Variants in NFYC observed in about 807,000 individuals in gnomAD.
The protein encoded by NFYC is nuclear transcription factor Y subunit gamma.
In NFYC, 25 loss-of-function variants were observed where a neutral mutation model predicts 53.1. The observed-to-expected ratio is 0.47, with a 90% CI of 0.34 to 0.66. NFYC has a LOEUF of 0.66. Among genes scored for constraint, NFYC ranks in the 30% least tolerant of loss-of-function variants. The probability of loss-of-function intolerance (pLI) is 0.01; values close to 1 mark genes in which losing one functional copy is unlikely to be tolerated. For synonymous variants in NFYC, 145 were observed against 152.6 expected (o/e 0.95, Z 0.37); for missense variants, 260 against 422.7 (o/e 0.62, Z 3.38).
intron 1 of NFYC, among the ~76,000 whole-genome samples, chr1:40,716,012 G>T (rs1644122841): frequency 6.6e-6 from 1 of 152,174 alleles, no homozygotes; most frequent in Non-Finnish European, 1.5e-5. Flanking sequence ...GGGAAGACCT[G>T]CTCAATTGAA....
At chr1:40,734,767 G>A (rs1314253560) in intron 1 of NFYC, 1 of 152,124 alleles carries the variant, frequency 6.6e-6, no homozygotes, top group East Asian at 1.9e-4. Context: ...CTTTTTCCAG[G>A]AATTTACATT....
Position 40,738,916 on chromosome 1 carries a change from C to A in NFYC, c.73C>A (p.Arg25=). Residue 25 remains arginine, a synonymous_variant, in exon 2 of 10, where the codon CGG becomes AGG. Transcript: ENST00000447388. The part of the protein sequence containing the change: ...AQQSLQSFWP[R]VMEEIRNLTV... ...GCAAAGCCTACAGTCGTTCTGGCCT[C>A]GGGTCATGGAAGAAATCCGGAATTT... 6.2e-7 allele frequency: 1 copy of A among 1,613,874 alleles called. No individual in the cohort carries two copies. Among genetic ancestry groups the A allele is most frequent in the East Asian group, 2.2e-5 (1 of 44,878 alleles).
chr1:40,766,534 GTT>G, intron 7 of NFYC, 60 bp from the exon 8 acceptor site: 1 of 1,258,342 alleles, frequency 7.9e-7, no homozygotes, highest in Non-Finnish European at 1.1e-6. Context: ...GTCATGGAAA[GTT>G]TGCCTGTTTG....
At chr1:40,767,834 G>T (rs1646896896) in intron 8 of NFYC, among the ~76,000 whole-genome samples, 1 of 152,126 alleles carries the variant, frequency 6.6e-6, no homozygotes, top group Admixed American at 6.6e-5. Flanking sequence ...AAATTAGCTG[G>T]GCGTGGTGGT....
intron 1 of NFYC, chr1:40,695,608 A>C (rs1226092487): frequency 6.6e-6 from 1 of 152,300 alleles, no homozygotes. Context: ...TTTAGTAGAC[A>C]CGGGCTTCCA....
intron 1 of NFYC, among the ~76,000 whole-genome samples, chr1:40,708,822 C>T (rs771845758): frequency 5.9e-5 from 9 of 152,178 alleles, no homozygotes; most frequent in Non-Finnish European, 1.0e-4. Context: ...TCTGTTAATG[C>T]TCAACAGAAA....
At chr1:40,734,254 T>C (rs1410286322) in intron 1 of NFYC, among the ~76,000 whole-genome samples, 1 of 152,226 alleles carries the variant, frequency 6.6e-6, no homozygotes, top group African/African-American at 2.4e-5. Flanking sequence ...CATGGGCTTG[T>C]AGATGTTGTA....
At chr1:40,750,693 G>A (rs1017047137) in intron 4 of NFYC, among the ~76,000 whole-genome samples, 6 of 152,204 alleles carry the variant, frequency 3.9e-5, no homozygotes, top group African/African-American at 1.4e-4. Context: ...GAGAGATCCA[G>A]TTAAAGCTCC....
intron 1 of NFYC, among the ~76,000 whole-genome samples, chr1:40,734,570 A>G (rs1644929988): frequency 6.6e-6 from 1 of 152,094 alleles, no homozygotes; most frequent in Non-Finnish European, 1.5e-5. Context: ...CATGTTGGCC[A>G]GGCTGGTCTC....
At chr1:40,751,578 TTTG>T (rs1018466245) in intron 4 of NFYC, among the ~76,000 whole-genome samples, 15 of 152,052 alleles carry the variant, frequency 9.9e-5, no homozygotes, top group African/African-American at 3.4e-4. Flanking sequence ...GCTTAAAATT[TTTG>T]TTGTTGTTGT....
intron 8 of NFYC, among the ~76,000 whole-genome samples, chr1:40,767,714 G>A (rs1158074723): frequency 2.0e-5 from 3 of 152,184 alleles, no homozygotes; most frequent in African/African-American, 7.2e-5. Flanking sequence ...AGTGGGTCAC[G>A]CCTGTAATCC....
intron 1 of NFYC, among the ~76,000 whole-genome samples, chr1:40,722,527 C>T (rs1261373412): frequency 3.9e-5 from 6 of 152,170 alleles, no homozygotes; most frequent in Admixed American, 1.3e-4. Flanking sequence ...TCTTTAGGCT[C>T]GGTACTGTAT....
At chr1:40,733,253 C>T (rs1401397493) in intron 1 of NFYC, among the ~76,000 whole-genome samples, 1 of 151,766 alleles carries the variant, frequency 6.6e-6, no homozygotes, top group Non-Finnish European at 1.5e-5. Context: ...GTGGTGAGGA[C>T]AGAAAGAGAG....
chr1:40,717,302 C>T (rs1644172686), intron 1 of NFYC, among the ~76,000 whole-genome samples: 1 of 152,120 alleles, frequency 6.6e-6, no homozygotes, highest in Non-Finnish European at 1.5e-5. Flanking sequence ...TTTGGTTGCA[C>T]ACCCCTGTTT....
At chr1:40,728,728 C>T (rs1033993922) in intron 1 of NFYC, among the ~76,000 whole-genome samples, 2 of 152,170 alleles carry the variant, frequency 1.3e-5, no homozygotes, top group Middle Eastern at 3.4e-3. Context: ...ACCTCTGCCT[C>T]CTGGGTTTAA....
intron 6 of NFYC, among the ~76,000 whole-genome samples, chr1:40,761,345 C>A (rs1378907841): frequency 1.3e-5 from 2 of 152,120 alleles, no homozygotes; most frequent in Admixed American, 1.3e-4. Flanking sequence ...TCAGGGTGGC[C>A]TTGTGCTGTG....
In NFYC at chr1:40,770,630, C is replaced by G. The variant is rs747005735; in HGVS notation, c.889-79C>G. On this transcript the variant is annotated intron_variant, in intron 9 of 9. Transcript: ENST00000447388. This position sits in a 1 kb window ranked among gnomAD's most constrained non-coding sequence, Gnocchi z 5.3. ...TGGTGGTTGAGGTATCTGGGACCCC[C>G]AACCAGCTCGAGACCCATAGGGAGC... 38 of 1,614,008 alleles carry G rather than the reference C, an allele frequency of 2.4e-5. No homozygotes were observed. The African/African-American group carries it at 5.1e-4, about 22-fold the overall frequency.
At chr1:40,719,812 C>T (rs1644267623) in intron 1 of NFYC, among the ~76,000 whole-genome samples, 1 of 152,194 alleles carries the variant, frequency 6.6e-6, no homozygotes, top group South Asian at 2.1e-4. Flanking sequence ...AACTGAGAAT[C>T]AGAAGACATG....
chr1:40,717,329 C>A (rs1018639104), intron 1 of NFYC, among the ~76,000 whole-genome samples: 1 of 152,046 alleles, frequency 6.6e-6, no homozygotes, highest in Non-Finnish European at 1.5e-5. Context: ...TGTGCATTTC[C>A]CATGTAAGAA....
Sources: allele counts gnomAD v4.1 joint callset (sites outside exome capture counted in the v4.1 genomes callset), GRCh38; gene constraint gnomAD v4.1.1; non-coding constraint Gnocchi (gnomAD v3.1); transcripts MANE v1.5; gene names NCBI Gene and HGNC (gene_info 2026-07-23, HGNC 2026-07-21).